Variants in FKBP11 observed in about 807,000 individuals in gnomAD.
FKBP11 encodes the protein peptidyl-prolyl cis-trans isomerase FKBP11.
A neutral mutation model predicts 24.7 loss-of-function variants in FKBP11; 21 were observed. That is an observed-to-expected ratio of 0.85 (90% CI 0.60 to 1.23). The LOEUF (loss-of-function observed/expected upper bound fraction) is 1.23. Ranked by LOEUF, FKBP11 falls within the 50% of genes most tolerant of loss-of-function variation. The pLI, the probability that FKBP11 is intolerant of heterozygous loss-of-function variation, is 0.00. For missense variants in FKBP11, 245 were observed against 248.7 expected (o/e 0.99, Z 0.10); for synonymous variants, 106 against 100.6 (o/e 1.05, Z -0.32).
At chr12:48,932,168 AATAT>A in the FKBP11 span, among the ~76,000 whole-genome samples, 6 of 124,012 alleles carry the variant, frequency 4.8e-5, no homozygotes, top group African/African-American at 1.2e-4. Flanking sequence ...TAAAAGTAAA[AATAT>A]ATATATATAT....
rs746230417 is a variant in FKBP11, at chr12:48,925,096, G to C, written c.145C>G (p.Pro49Ala). Residue 49 changes from proline to alanine, a missense_variant, in exon 2 of 6, where the codon CCA (proline) becomes GCA (alanine). By Grantham distance (27) the Pro-to-Ala change is conservative. Transcript: ENST00000550765. The stretch of plus-strand genomic sequence containing the variant: ...CCAAAAGCAGCGGGCTCGGCACATG[G>C]TTCTGGGGGCTCCACCTACGATCGG... ...QVETLVEPPE[P>A]CAEPAAFGDT... 3.1e-6 allele frequency: 5 copies of C among 1,613,846 alleles called. No homozygotes were observed. The South Asian group carries it at 5.5e-5, about 18-fold the overall frequency.
chr12:48,923,761 A>T (rs1473691602), intron 5 of FKBP11, 21 bp downstream of exon 5: 1 of 1,611,098 alleles, frequency 6.2e-7, no homozygotes, highest in Admixed American at 1.7e-5. Flanking sequence ...ATGGCCTGAG[A>T]GAGAGTCCTA....
At chr12:48,931,999 A>G in the FKBP11 span, among the ~76,000 whole-genome samples, 1 of 151,620 alleles carries the variant, frequency 6.6e-6, no homozygotes, top group African/African-American at 2.4e-5. Flanking sequence ...ACGTGCCACC[A>G]TGCCCAACTA....
At chr12:48,931,598 A>C in the FKBP11 span, 6 of 843,404 alleles carry the variant, frequency 7.1e-6, no homozygotes. Context: ...TCCACACTCA[A>C]AGGTGTCTCT....
intron 5 of FKBP11, chr12:48,923,299 A>G (rs1049110106): frequency 2.5e-5 from 36 of 1,413,452 alleles, no homozygotes; most frequent in Non-Finnish European, 3.2e-5. Context: ...GCAGTGACCA[A>G]TGATGGCTTT....
the FKBP11 span, chr12:48,938,433 C>G: frequency 2.2e-6 from 1 of 453,218 alleles, no homozygotes; most frequent in Non-Finnish European, 4.4e-6. Context: ...CCTCCCCGCT[C>G]CCCCCGGCCC....
chr12:48,929,963 T>A (rs182582164), upstream of FKBP11, among the ~76,000 whole-genome samples: 153 of 152,322 alleles, frequency 1.0e-3, 1 homozygote, highest in African/African-American at 3.6e-3. Context: ...TGGACATTAT[T>A]ATATTTTTCC....
chr12:48,932,166 A>AG, the FKBP11 span, among the ~76,000 whole-genome samples: 6 of 104,718 alleles, frequency 5.7e-5, no homozygotes, highest in Non-Finnish European at 1.0e-4. Flanking sequence ...AATAAAAGTA[A>AG]AAATATATAT....
At chr12:48,929,926 T>C (rs1940026649), upstream of FKBP11, among the ~76,000 whole-genome samples, 1 of 152,196 alleles carries the variant, frequency 6.6e-6, no homozygotes, top group South Asian at 2.1e-4. Flanking sequence ...CTGATTCTCT[T>C]AGCTAGGATC....
In FKBP11 at chr12:48,923,648, G is replaced by A. The variant is rs769500985; in HGVS notation, c.388+134C>T. The A allele has an allele frequency of 3.8e-6, 6 of 1,570,444 alleles. No individual in the cohort carries two copies. The South Asian group carries it at 4.6e-5, about 12-fold the overall frequency. Reference sequence around the variant, plus strand: ...GGAAAAAGGTGGCCCTGTAGATGGAGGCCCCAGCCACTCCTATCTGTCTAA... The same window carrying A: ...GGAAAAAGGTGGCCCTGTAGATGGAAGCCCCAGCCACTCCTATCTGTCTAA... On this transcript the variant is annotated intron_variant, in intron 5 of 5. Coordinates refer to ENST00000550765, the MANE Select transcript of FKBP11 (RefSeq NM_016594.3).
chr12:48,938,423 C>G, the FKBP11 span: 14 of 454,058 alleles, frequency 3.1e-5, no homozygotes, highest in South Asian at 9.3e-5. Flanking sequence ...CACTCCACCC[C>G]CTCCCCGCTC....
chr12:48,923,189 T>C (rs1016885831), intron 5 of FKBP11: 4 of 1,210,528 alleles, frequency 3.3e-6, no homozygotes, highest in Admixed American at 3.8e-5. Context: ...CTCTGTGGAG[T>C]ACAACACATT....
intron 2 of FKBP11, 45 bp downstream of exon 2, chr12:48,925,001 C>T: frequency 6.3e-7 from 1 of 1,576,646 alleles, no homozygotes; most frequent in Non-Finnish European, 8.6e-7. Context: ...TTCAGCAGGG[C>T]GCCGCCCCCT....
the FKBP11 span, chr12:48,931,508 T>C: frequency 2.0e-6 from 3 of 1,524,596 alleles, no homozygotes; most frequent in Non-Finnish European, 8.8e-7. Context: ...AAAGGTGAGA[T>C]GATTCTTGGA....
chr12:48,922,020 G>A lies in FKBP11; in HGVS notation c.570C>T (p.Leu190=), dbSNP rs1398563051. The change falls in exon 6 of 6, where the codon CTC becomes CTT. Residue 190 remains leucine, a synonymous_variant. Transcript: ENST00000550765. The stretch of plus-strand genomic sequence containing the variant: ...TGCTCTTGTTTCGTTTCTCTTCCTT[G>A]AGCTTCTTTTTGGAGACTTTGGGTC... ...ANRPKVSKKK[L]KEEKRNKSKK... is the part of the protein sequence containing the mutation. The A allele has an allele frequency of 2.5e-6, 4 of 1,610,848 alleles. No individual in the cohort carries two copies. The highest frequency in any genetic ancestry group is 1.7e-5 in the Admixed American group (1 of 59,818).
At chr12:48,924,288 C>T in intron 3 of FKBP11, 32 bp from the exon 4 acceptor site, 2 of 1,613,896 alleles carry the variant, frequency 1.2e-6, no homozygotes, top group African/African-American at 1.3e-5. Flanking sequence ...GAACTGGAAG[C>T]TATCCACCTT....
At chr12:48,932,231 A>ATG in the FKBP11 span, among the ~76,000 whole-genome samples, 5 of 31,708 alleles carry the variant, frequency 1.6e-4, 1 homozygote, top group African/African-American at 7.6e-4. Context: ...ATATATTTAT[A>ATG]TATATATATA....
upstream of FKBP11, among the ~76,000 whole-genome samples, chr12:48,929,627 A>C (rs1187863715): frequency 6.6e-6 from 1 of 152,100 alleles, no homozygotes; most frequent in East Asian, 1.9e-4. Context: ...TCCAGCCCTA[A>C]TCTGCTTTTC....
upstream of FKBP11, among the ~76,000 whole-genome samples, chr12:48,929,118 C>A (rs544100268): frequency 6.6e-6 from 1 of 151,478 alleles, no homozygotes; most frequent in Non-Finnish European, 1.5e-5. Flanking sequence ...TGAGCCACCG[C>A]GCCCGGCCTT....
Sources: gnomAD v4.1 joint callset for allele counts (sites outside exome capture counted in the v4.1 genomes callset) on GRCh38, gnomAD v4.1.1 for gene constraint, MANE v1.5 for transcripts, NCBI Gene and HGNC (gene_info 2026-07-23, HGNC 2026-07-21) for gene names.